MACROD2: variants seen among roughly 807,000 people sequenced by gnomAD.
MACROD2 encodes the protein ADP-ribose glycohydrolase MACROD2.
MACROD2 carries 36 observed loss-of-function variants against 70.4 expected under a neutral mutation model. The observed-to-expected ratio is 0.51, with a 90% CI of 0.39 to 0.68. The LOEUF (loss-of-function observed/expected upper bound fraction) is 0.68, where lower values mean the gene tolerates loss of function less well. Among genes scored for constraint, MACROD2 ranks in the 30% least tolerant of loss-of-function variants. MACROD2 has a pLI of 0.00. For missense variants in MACROD2, 496 were observed against 538.4 expected, an observed-to-expected ratio of 0.92 and a Z score of 0.78; for synonymous variants, 172 against 178.8, an observed-to-expected ratio of 0.96 and a Z score of 0.30.
chr20:15,615,441 C>T (rs887534406), intron 8 of MACROD2, among the ~76,000 whole-genome samples: 1 of 152,124 alleles, frequency 6.6e-6, no homozygotes, highest in Admixed American at 6.5e-5. Flanking sequence ...GTTGTCCTCT[C>T]GATGCCTCAG....
chr20:14,961,617 T>A (rs116580921), intron 5 of MACROD2, among the ~76,000 whole-genome samples: 2,410 of 152,068 alleles, frequency 0.016, 60 homozygotes, highest in African/African-American at 0.053. Context: ...AGCCTAGACC[T>A]CCTGGGCTCA....
At chr20:14,739,171 ATCTTAC>A (rs1410800085) in intron 5 of MACROD2, among the ~76,000 whole-genome samples, 1 of 152,038 alleles carries the variant, frequency 6.6e-6, no homozygotes, top group Non-Finnish European at 1.5e-5. Flanking sequence ...TTCAAAAATA[ATCTTAC>A]TCTTGCTCTC....
At chr20:14,703,745 C>A (rs895260048) in intron 5 of MACROD2, among the ~76,000 whole-genome samples, 3 of 150,632 alleles carry the variant, frequency 2.0e-5, no homozygotes, top group Admixed American at 6.6e-5. Context: ...TTTTTTTTTT[C>A]AGACGAAGTC....
chr20:15,241,232 AC>A, intron 6 of MACROD2, among the ~76,000 whole-genome samples: 1 of 152,278 alleles, frequency 6.6e-6, no homozygotes, highest in African/African-American at 2.4e-5. Flanking sequence ...AAAATAATTT[AC>A]CTGACAGATA....
chr20:14,205,836 T>G (rs2081518676), intron 3 of MACROD2, among the ~76,000 whole-genome samples: 1 of 152,204 alleles, frequency 6.6e-6, no homozygotes, highest in South Asian at 2.1e-4. Flanking sequence ...ATAGATCTAT[T>G]CATCAACACT....
chr20:16,014,034 C>T (rs1042361858), intron 15 of MACROD2, among the ~76,000 whole-genome samples: 3 of 152,212 alleles, frequency 2.0e-5, no homozygotes, highest in Admixed American at 2.0e-4. Flanking sequence ...ATGAAGGGAT[C>T]CACTGACTCA....
At chr20:14,393,675 T>C (rs2083550982) in intron 3 of MACROD2, among the ~76,000 whole-genome samples, 2 of 152,312 alleles carry the variant, frequency 1.3e-5, no homozygotes, top group African/African-American at 4.8e-5. Flanking sequence ...ATGAGTATAA[T>C]TTCTTACAGT....
chr20:14,086,701 T>C (rs770989236), intron 3 of MACROD2, among the ~76,000 whole-genome samples: 20 of 152,310 alleles, frequency 1.3e-4, no homozygotes, highest in Middle Eastern at 3.4e-3. Flanking sequence ...AGGTCGTTTG[T>C]GGGCATTGAC....
chr20:14,353,213 T>G (rs1291806012), intron 3 of MACROD2, among the ~76,000 whole-genome samples: 1 of 152,126 alleles, frequency 6.6e-6, no homozygotes, highest in Admixed American at 6.6e-5. Context: ...TGGGTTACCT[T>G]GGTCTCATAA....
At chr20:15,264,565 G>A (rs2077276117) in intron 6 of MACROD2, among the ~76,000 whole-genome samples, 1 of 152,138 alleles carries the variant, frequency 6.6e-6, no homozygotes, top group South Asian at 2.1e-4. Flanking sequence ...ACTCTTGGAG[G>A]GTGGTGGCAA....
chr20:15,454,875 A>G (rs1386616166), intron 7 of MACROD2, among the ~76,000 whole-genome samples: 1 of 152,154 alleles, frequency 6.6e-6, no homozygotes, highest in Non-Finnish European at 1.5e-5. Flanking sequence ...AGAGGAATTG[A>G]TTAATTAGCA....
In MACROD2 at chr20:14,433,273, G is replaced by A. The variant is rs115955735; in HGVS notation, c.272-60206G>A. Among the ~76,000 whole-genome samples the A allele has an allele frequency of 3.2e-3, 483 of 152,230 alleles. 4 individuals carry two copies. The highest frequency in any genetic ancestry group is 0.011 in the African/African-American group (459 of 41,544). On this transcript the variant is annotated intron_variant, in intron 3 of 17. Coordinates refer to ENST00000684519, the MANE Select transcript of MACROD2 (RefSeq NM_001351661.2). ...AGACGTAAAACACATTCATAACAAAGCCCCAGGTGACTGAAACATAACCTG... is the reference window on the plus strand; with the variant it reads ...AGACGTAAAACACATTCATAACAAAACCCCAGGTGACTGAAACATAACCTG...
At chr20:14,050,118 T>G (rs1341184608) in intron 2 of MACROD2, among the ~76,000 whole-genome samples, 1 of 150,334 alleles carries the variant, frequency 6.7e-6, no homozygotes, top group Non-Finnish European at 1.5e-5. Flanking sequence ...CCAAACTGCC[T>G]GTAGTAGCTG....
chr20:14,635,969 T>G (rs553731837), intron 4 of MACROD2, among the ~76,000 whole-genome samples: 1 of 152,288 alleles, frequency 6.6e-6, no homozygotes, highest in South Asian at 2.1e-4. Flanking sequence ...ATAAACTAAA[T>G]TAGTCTAATG....
intron 3 of MACROD2, among the ~76,000 whole-genome samples, chr20:14,490,577 G>C (rs569815872): frequency 6.6e-6 from 1 of 152,188 alleles, no homozygotes; most frequent in South Asian, 2.1e-4. Flanking sequence ...TGCTTCATAA[G>C]CATGCTCAGA....
Position 14,002,412 on chromosome 20 carries a change from T to C in MACROD2, c.163+8T>C. 1 of 1,543,926 alleles carries C rather than the reference T, an allele frequency of 6.5e-7. No homozygotes were observed. Among genetic ancestry groups the C allele is most frequent in the Non-Finnish European group, 8.8e-7 (1 of 1,133,884 alleles). On this transcript the variant is annotated splice_region_variant and intron_variant, in intron 2 of 17. Coordinates refer to ENST00000684519, the MANE Select transcript of MACROD2 (RefSeq NM_001351661.2). ...GCAAGGGCCAAAATGATGGTAAGTT[T>C]CTCGGAACATTTTTTAGGTAGATAT...
At chr20:15,826,556 A>T (rs974694916) in intron 8 of MACROD2, among the ~76,000 whole-genome samples, 1 of 152,342 alleles carries the variant, frequency 6.6e-6, no homozygotes, top group South Asian at 2.1e-4. Flanking sequence ...ACCTTGAAAC[A>T]TTATTGCTAT....
intron 5 of MACROD2, among the ~76,000 whole-genome samples, chr20:15,063,721 C>A (rs6079649): frequency 1.3e-5 from 2 of 152,036 alleles, no homozygotes; most frequent in East Asian, 1.9e-4. Flanking sequence ...AAAATGCTAC[C>A]TGCATGGGTT....
intron 8 of MACROD2, among the ~76,000 whole-genome samples, chr20:15,819,455 A>G (rs530582395): frequency 2.8e-4 from 41 of 145,160 alleles, no homozygotes; most frequent in Admixed American, 1.2e-3. Context: ...AAATATATAT[A>G]AATATATAAG....
Sources: allele counts gnomAD v4.1 joint callset (sites outside exome capture counted in the v4.1 genomes callset), GRCh38; gene constraint gnomAD v4.1.1; transcripts MANE v1.5; gene names NCBI Gene and HGNC (gene_info 2026-07-23, HGNC 2026-07-21).